Variants in TG observed in about 807,000 individuals in gnomAD.
TG encodes the protein thyroglobulin.
In TG, 270 loss-of-function variants were observed where a neutral mutation model predicts 324.7. That is an observed-to-expected ratio of 0.83 (90% CI 0.75 to 0.92). The LOEUF is 0.92. Ranked by LOEUF, TG falls within the 40% of genes least tolerant of loss-of-function variation. The pLI is 0.00. For synonymous variants in TG, 1,401 were observed against 1,327.0 expected, an observed-to-expected ratio of 1.06 and a Z score of -1.21; for missense variants, 3,591 against 3,456.4, an observed-to-expected ratio of 1.04 and a Z score of -0.98.
chr8:132,924,730 A>T (rs894166772), intron 22 of TG, among the ~76,000 whole-genome samples: 30 of 152,170 alleles, frequency 2.0e-4, no homozygotes, highest in African/African-American at 2.2e-4. Flanking sequence ...AGTCTTAAGC[A>T]AGTCACTCAC....
At chr8:133,055,176 G>C (rs777499786) in intron 41 of TG, among the ~76,000 whole-genome samples, 14 of 152,276 alleles carry the variant, frequency 9.2e-5, no homozygotes, top group Admixed American at 1.3e-4. Flanking sequence ...GACAAAGGCA[G>C]ACTCCAGGTA....
intron 23 of TG, among the ~76,000 whole-genome samples, chr8:132,929,620 T>TAA (rs10624943): frequency 0.41 from 61,618 of 151,880 alleles, 15,140 homozygotes; most frequent in Admixed American, 0.53. Context: ...AAGACAAAAA[T>TAA]AGTTTTAAGA....
intron 2 of TG, among the ~76,000 whole-genome samples, chr8:132,869,248 C>T (rs918117690): frequency 1.3e-5 from 2 of 152,198 alleles, no homozygotes; most frequent in African/African-American, 4.8e-5. Flanking sequence ...CTGCAGGTCT[C>T]AGTTCAGTCA....
intron 4 of TG, 52 bp from the exon 5 acceptor site, chr8:132,873,010 G>GAAAT: frequency 3.8e-6 from 6 of 1,595,758 alleles, no homozygotes; most frequent in Non-Finnish European, 5.2e-6. Flanking sequence ...CTCGACTGCA[G>GAAAT]AAATATGTGT....
At chr8:133,042,678 C>CCTTTTTTTTTTTTTTTTTTTTT (rs1554706932) in intron 41 of TG, among the ~76,000 whole-genome samples, 1 of 56,732 alleles carries the variant, frequency 1.8e-5, no homozygotes. Context: ...CATTCTGTGT[C>CCTTTTTTTTTTTTTTTTTTTTT]TTTTTTTTTT....
At position 132,871,342 on chromosome 8, in the gene TG, C is replaced by T; in HGVS notation, c.275-6C>T. 6.2e-7 allele frequency: 1 copy of T among 1,614,168 alleles called. No individual in the cohort carries two copies. The highest frequency in any genetic ancestry group is 8.5e-7 in the Non-Finnish European group (1 of 1,180,012). On this transcript the variant is annotated splice_region_variant and splice_polypyrimidine_tract_variant and intron_variant, in intron 3 of 47. Coordinates refer to ENST00000220616, the MANE Select transcript of TG (RefSeq NM_003235.5). ...TTCTATCTAACATTGCTCCTTGTAC[C>T]CACAGGTCTGTCATTTTGTCAGCTA...
chr8:133,074,886 G>T, intron 41 of TG: 1 of 985,544 alleles, frequency 1.0e-6, no homozygotes. Flanking sequence ...TGTGGGAGCT[G>T]TCTGCAGAGG....
intron 41 of TG, chr8:133,060,007 T>C: frequency 7.5e-7 from 1 of 1,330,636 alleles, no homozygotes; most frequent in Non-Finnish European, 1.0e-6. Context: ...CATTGCCCCA[T>C]TTAAGTAGTT....
In TG at chr8:132,979,634, C is replaced by G. The variant is rs544818358; in HGVS notation, c.6200-3716C>G. ...GTATCTCATTTAATTCCCTAACAAT[C>G]TCATGAGGTAGGGCCTACTGTTACC... On this transcript the variant is annotated intron_variant, in intron 34 of 47. Transcript: ENST00000220616. 3.9e-5 allele frequency among the ~76,000 whole-genome samples: 6 copies of G among 152,328 alleles called. No homozygotes were observed. In the South Asian group the frequency reaches 1.2e-3, roughly 32 times the overall value.
At chr8:133,038,645 A>G in intron 41 of TG, 1 of 1,613,696 alleles carries the variant, frequency 6.2e-7, no homozygotes, top group African/African-American at 1.3e-5. Flanking sequence ...GGTCAGGGAC[A>G]GGTAAGAGGC....
At position 132,871,381 on chromosome 8, in the gene TG, T is replaced by A. The variant is rs1179445338; in HGVS notation, c.308T>A (p.Ile103Asn). 3 of 1,614,086 alleles carry A rather than the reference T, an allele frequency of 1.9e-6. No individual in the cohort carries two copies. Among genetic ancestry groups the A allele is most frequent in the Non-Finnish European group, 2.5e-6 (3 of 1,180,034 alleles). ...TTTTGTCAGCTACAGAAACAGCAGA[T>A]CTTACTGAGTGGCTACATTAACAGC... ...LSFCQLQKQQILLSGYINSTD... is the reference protein window; with the variant it reads ...LSFCQLQKQQNLLSGYINSTD... Residue 103 changes from isoleucine to asparagine, a missense_variant, in exon 4 of 48, where the codon ATC (isoleucine) becomes AAC (asparagine). By Grantham distance (149) the Ile-to-Asn change is moderately radical. Coordinates refer to ENST00000220616, the MANE Select transcript of TG (RefSeq NM_003235.5).
chr8:133,108,264 G>T (rs984021750), intron 43 of TG, among the ~76,000 whole-genome samples: 2 of 152,006 alleles, frequency 1.3e-5, no homozygotes, highest in African/African-American at 4.8e-5. Context: ...AGGATTACAG[G>T]TGTGAGCCAC....
chr8:133,051,920 C>T (rs1840478180), intron 41 of TG, among the ~76,000 whole-genome samples: 2 of 152,238 alleles, frequency 1.3e-5, no homozygotes, highest in African/African-American at 4.8e-5. Flanking sequence ...CAACTACTTA[C>T]TGAGCACCTG....
chr8:133,048,409 T>C (rs917146920), intron 41 of TG, among the ~76,000 whole-genome samples: 1 of 152,100 alleles, frequency 6.6e-6, no homozygotes, highest in African/African-American at 2.4e-5. Context: ...TTAGTAGAAA[T>C]GGGGATTCAC....
At position 132,956,937 on chromosome 8, in the gene TG, G is replaced by C. The variant is rs562115853; in HGVS notation, c.5402-4071G>C. 4.6e-5 allele frequency among the ~76,000 whole-genome samples: 7 copies of C among 152,260 alleles called. No individual in the cohort carries two copies. The South Asian group carries it at 1.4e-3, about 32-fold the overall frequency. On this transcript the variant is annotated intron_variant, in intron 27 of 47. Coordinates refer to ENST00000220616, the MANE Select transcript of TG (RefSeq NM_003235.5). Reference sequence around the variant, plus strand: ...GTCTGAATGCATGTGGAGACTGATGGAGAAGGAGTCAAGGACGACCCAAGA... The same window carrying C: ...GTCTGAATGCATGTGGAGACTGATGCAGAAGGAGTCAAGGACGACCCAAGA...
intron 21 of TG, among the ~76,000 whole-genome samples, chr8:132,920,784 G>A (rs1202463583): frequency 6.6e-6 from 1 of 152,246 alleles, no homozygotes; most frequent in Non-Finnish European, 1.5e-5. Context: ...CTGTGACCTA[G>A]ACAAAGCTAC....
At chr8:132,937,755 A>C (rs1823816392) in intron 25 of TG, among the ~76,000 whole-genome samples, 1 of 117,616 alleles carries the variant, frequency 8.5e-6, no homozygotes, top group African/African-American at 2.5e-5. Flanking sequence ...TTTCTGTTTA[A>C]GTGTTTATTT....
At chr8:133,047,734 T>G in intron 41 of TG, 2 of 782,872 alleles carry the variant, frequency 2.6e-6, no homozygotes, top group Non-Finnish European at 4.6e-6. Context: ...TGCATGGACG[T>G]AGGAGGAAGG....
chr8:132,981,845 G>GCAGATTATGCCA (rs1241823726), intron 34 of TG, among the ~76,000 whole-genome samples: 2 of 152,138 alleles, frequency 1.3e-5, no homozygotes, highest in African/African-American at 4.8e-5. Context: ...GATGCCAAGG[G>GCAGATTATGCCA]GAAAAGACAT....
Sources: gnomAD v4.1 joint callset for allele counts (sites outside exome capture counted in the v4.1 genomes callset) on GRCh38, gnomAD v4.1.1 for gene constraint, MANE v1.5 for transcripts, NCBI Gene and HGNC (gene_info 2026-07-23, HGNC 2026-07-21) for gene names.